PCTP: variants seen among roughly 807,000 people sequenced by gnomAD.
PCTP encodes the protein START domain-containing protein 2.
A neutral mutation model predicts 31.0 loss-of-function variants in PCTP; 27 were observed. The observed-to-expected ratio is 0.87, with a 90% confidence interval of 0.64 to 1.20. PCTP has a LOEUF of 1.20. Among genes scored for constraint, PCTP ranks in the 50% most tolerant of loss-of-function variants. The probability of loss-of-function intolerance (pLI) is 0.00; values close to 1 mark genes in which losing one functional copy is unlikely to be tolerated. For synonymous variants in PCTP, 108 were observed against 101.2 expected, an observed-to-expected ratio of 1.07 and a Z score of -0.40; for missense variants, 287 against 268.2, an observed-to-expected ratio of 1.07 and a Z score of -0.49.
chr17:55,825,565 A>G (rs114479441), downstream of PCTP, among the ~76,000 whole-genome samples: 321 of 152,340 alleles, frequency 2.1e-3, 2 homozygotes, highest in African/African-American at 7.5e-3. Flanking sequence ...TAAACTTCCA[A>G]ATTACCAGAG....
intron 1 of PCTP, among the ~76,000 whole-genome samples, chr17:55,766,402 C>A (rs1293703545): frequency 3.3e-5 from 4 of 120,212 alleles, no homozygotes; most frequent in African/African-American, 1.1e-4. Flanking sequence ...CTAATGCTAT[C>A]CCTCCCCCCT....
Position 55,777,299 on chromosome 17 carries a change from G to T in PCTP, c.*1199G>T. 1 of 984,174 alleles carries T rather than the reference G, an allele frequency of 1.0e-6. No homozygotes were observed. The highest frequency in any genetic ancestry group is 4.7e-5 in the South Asian group (1 of 21,238). The allele number at this position is 984,174 out of a possible 1,614,324, so 61.0% of individuals were successfully genotyped here. A position where few individuals can be genotyped will look rare whatever the true frequency, so the allele number is the denominator to read the frequency against. On this transcript the variant is annotated 3_prime_UTR_variant, in exon 6 of 6. Transcript: ENST00000268896. Reference sequence around the variant, plus strand: ...CCACAGAATGGGATTTATTAATGTGGGATACCTCAGACTGTTTGTTTTCTT... The same window carrying T: ...CCACAGAATGGGATTTATTAATGTGTGATACCTCAGACTGTTTGTTTTCTT...
intron 3 of PCTP, among the ~76,000 whole-genome samples, chr17:55,794,518 A>T (rs1567723483): frequency 6.6e-6 from 1 of 151,842 alleles, no homozygotes; most frequent in Non-Finnish European, 1.5e-5. Context: ...TACATCTCTG[A>T]GTCCTCATTA....
chr17:55,821,379 A>T (rs1209881047), intron 3 of PCTP, among the ~76,000 whole-genome samples: 1 of 152,168 alleles, frequency 6.6e-6, no homozygotes, highest in Non-Finnish European at 1.5e-5. Context: ...AAGAAATGGG[A>T]AGTGATGCTA....
chr17:55,798,052 A>G (rs192159628), intron 3 of PCTP, among the ~76,000 whole-genome samples: 112 of 152,128 alleles, frequency 7.4e-4, no homozygotes, highest in Non-Finnish European at 6.8e-4. Flanking sequence ...AAAAAAACAA[A>G]TAAACTCATA....
chr17:55,776,203 T>C lies in PCTP; in HGVS notation c.*103T>C, dbSNP rs970200539. ...CCTGGAAGTGCCACCTGGAAGTGTC[T>C]CTGGAAGAGCACCCACCACTGTTCA... On this transcript the variant is annotated 3_prime_UTR_variant, in exon 6 of 6. Coordinates refer to ENST00000268896, the MANE Select transcript of PCTP (RefSeq NM_021213.4). 1.6e-5 allele frequency: 25 copies of C among 1,531,702 alleles called. No homozygotes were observed. In the African/African-American group the frequency reaches 2.9e-4, roughly 18 times the overall value. 94.9% of individuals were successfully genotyped at this position (1,531,702 alleles called of 1,614,324 possible).
At chr17:55,831,650 T>C (rs1325044027) in intron 5 of PCTP, among the ~76,000 whole-genome samples, 1 of 152,192 alleles carries the variant, frequency 6.6e-6, no homozygotes. Flanking sequence ...ATATAATAGA[T>C]TGTCTCACTC....
intron 3 of PCTP, among the ~76,000 whole-genome samples, chr17:55,792,572 A>G (rs76272390): frequency 4.9e-4 from 75 of 152,280 alleles, no homozygotes; most frequent in Non-Finnish European, 9.6e-4. Flanking sequence ...TCCCTAGTGT[A>G]TGGGACTAGA....
downstream of PCTP, among the ~76,000 whole-genome samples, chr17:55,778,845 T>C (rs1202906183): frequency 6.6e-6 from 1 of 152,140 alleles, no homozygotes; most frequent in Admixed American, 6.5e-5. Context: ...CACAGGCAAA[T>C]TATTCACACT....
downstream of PCTP, among the ~76,000 whole-genome samples, chr17:55,845,590 G>T (rs999674874): frequency 3.3e-5 from 5 of 152,216 alleles, no homozygotes; most frequent in Non-Finnish European, 7.3e-5. Flanking sequence ...TTATATTTGG[G>T]ATTTTGGGTT....
intron 3 of PCTP, among the ~76,000 whole-genome samples, chr17:55,822,143 C>T (rs191888007): frequency 3.3e-5 from 5 of 152,220 alleles, no homozygotes; most frequent in Admixed American, 6.5e-5. Flanking sequence ...AGAAACAAAA[C>T]GTGAGAAGGA....
chr17:55,845,094 A>C (rs1428018583), downstream of PCTP, among the ~76,000 whole-genome samples: 1 of 134,740 alleles, frequency 7.4e-6, no homozygotes, highest in Non-Finnish European at 1.6e-5. Flanking sequence ...TCAAAAAAAA[A>C]AAAAAAAAAA....
At chr17:55,811,788 G>C (rs1912761539) in intron 3 of PCTP, among the ~76,000 whole-genome samples, 1 of 152,170 alleles carries the variant, frequency 6.6e-6, no homozygotes, top group South Asian at 2.1e-4. Context: ...CTCCTTGTCA[G>C]GCATCTGCCA....
chr17:55,781,440 A>G (rs1911561822), downstream of PCTP, among the ~76,000 whole-genome samples: 1 of 152,254 alleles, frequency 6.6e-6, no homozygotes, highest in East Asian at 1.9e-4. Context: ...AATGAAATCC[A>G]GCACCTTCAG....
Position 55,751,088 on chromosome 17 carries a change from C to A in PCTP, c.-16C>A, listed in dbSNP as rs972551638. On this transcript the variant is annotated 5_prime_UTR_variant, in exon 1 of 6. Coordinates refer to ENST00000268896, the MANE Select transcript of PCTP (RefSeq NM_021213.4). ...GCGGCCTGCCCTCCAGGCGGAGGAGCCCGGACTGCGGAAGGATGGAGCTGG... is the reference window on the plus strand; with the variant it reads ...GCGGCCTGCCCTCCAGGCGGAGGAGACCGGACTGCGGAAGGATGGAGCTGG... 6.6e-7 allele frequency: 1 copy of A among 1,525,172 alleles called. No individual in the cohort carries two copies. Among genetic ancestry groups the A allele is most frequent in the South Asian group, 1.2e-5 (1 of 81,374 alleles). The allele number at this position is 1,525,172 out of a possible 1,614,324, so 94.5% of individuals were successfully genotyped here. A position where few individuals can be genotyped will look rare whatever the true frequency, so the allele number is the denominator to read the frequency against.
chr17:55,852,566 A>G, the PCTP span, among the ~76,000 whole-genome samples: 5 of 152,332 alleles, frequency 3.3e-5, no homozygotes, highest in East Asian at 3.9e-4. Context: ...ATGTTCTCCT[A>G]TTGATGAATA....
At chr17:55,759,901 G>A (rs1359489750) in intron 1 of PCTP, among the ~76,000 whole-genome samples, 1 of 152,176 alleles carries the variant, frequency 6.6e-6, no homozygotes, top group African/African-American at 2.4e-5. Context: ...CTCTTTCAGA[G>A]TTTATTCTGT....
intron 3 of PCTP, among the ~76,000 whole-genome samples, chr17:55,799,646 T>G (rs1483087756): frequency 1.3e-5 from 2 of 152,156 alleles, no homozygotes; most frequent in African/African-American, 2.4e-5. Context: ...TGCACATTAG[T>G]TGATGCAGTT....
chr17:55,803,124 A>G (rs1212640282), intron 3 of PCTP, among the ~76,000 whole-genome samples: 1 of 152,202 alleles, frequency 6.6e-6, no homozygotes, highest in Non-Finnish European at 1.5e-5. Context: ...TACAAAGAGA[A>G]TAAAATACTG....
Sources: allele counts gnomAD v4.1 joint callset (sites outside exome capture counted in the v4.1 genomes callset), GRCh38; gene constraint gnomAD v4.1.1; transcripts MANE v1.5; gene names NCBI Gene and HGNC (gene_info 2026-07-23, HGNC 2026-07-21).